GRIK1: variants seen among roughly 807,000 people sequenced by gnomAD.
The protein encoded by GRIK1 is glutamate ionotropic receptor kainate type subunit 1.
Under a neutral mutation model 105.7 loss-of-function variants are expected in GRIK1, and 69 were observed. That is an observed-to-expected ratio of 0.65 (90% CI 0.54 to 0.80). The LOEUF (loss-of-function observed/expected upper bound fraction) is 0.80. Among genes scored for constraint, GRIK1 ranks in the 30% least tolerant of loss-of-function variants. The probability of loss-of-function intolerance (pLI) is 0.00; values close to 1 mark genes in which losing one functional copy is unlikely to be tolerated. For synonymous variants in GRIK1, 438 were observed against 431.3 expected, an observed-to-expected ratio of 1.02 and a Z score of -0.19; for missense variants, 1,109 against 1,167.3, an observed-to-expected ratio of 0.95 and a Z score of 0.73.
chr21:29,616,102 G>A (rs896209229), intron 7 of GRIK1, among the ~76,000 whole-genome samples: 4 of 152,124 alleles, frequency 2.6e-5, no homozygotes, highest in African/African-American at 7.2e-5. Flanking sequence ...CTGCACTTTC[G>A]AAAGTTAAAT....
chr21:29,930,716 A>T (rs1038585046), intron 1 of GRIK1, among the ~76,000 whole-genome samples: 1 of 152,182 alleles, frequency 6.6e-6, no homozygotes, highest in East Asian at 1.9e-4. Context: ...CTAATGTCTG[A>T]TTTTCTACAA....
At chr21:29,932,821 T>C (rs1423450231) in intron 1 of GRIK1, among the ~76,000 whole-genome samples, 2 of 151,934 alleles carry the variant, frequency 1.3e-5, no homozygotes, top group African/African-American at 4.8e-5. Flanking sequence ...ATTGTAAATA[T>C]AGACCTTTAA....
At chr21:29,873,927 C>T (rs186517577) in intron 1 of GRIK1, among the ~76,000 whole-genome samples, 1 of 152,172 alleles carries the variant, frequency 6.6e-6, no homozygotes, top group African/African-American at 2.4e-5. Context: ...CTCAGACCAT[C>T]AGGCATTATT....
intron 12 of GRIK1, among the ~76,000 whole-genome samples, chr21:29,583,589 A>T (rs1351897915): frequency 1.3e-5 from 2 of 152,172 alleles, no homozygotes; most frequent in South Asian, 4.1e-4. Flanking sequence ...GTCTTGTTTC[A>T]TACTTTGCAC....
chr21:29,792,971 T>A (rs939406882), intron 1 of GRIK1, among the ~76,000 whole-genome samples: 1 of 152,158 alleles, frequency 6.6e-6, no homozygotes, highest in Non-Finnish European at 1.5e-5. Context: ...CTTAGTGCAA[T>A]CAAAACTATT....
intron 4 of GRIK1, among the ~76,000 whole-genome samples, chr21:29,666,264 G>T (rs1052834093): frequency 2.0e-5 from 3 of 152,166 alleles, no homozygotes; most frequent in Non-Finnish European, 4.4e-5. Flanking sequence ...TTAGCTGGGC[G>T]TTGTGGTGCA....
intron 14 of GRIK1, among the ~76,000 whole-genome samples, chr21:29,575,024 AG>A (rs2146230035): frequency 6.6e-6 from 1 of 152,316 alleles, no homozygotes; most frequent in African/African-American, 2.4e-5. Flanking sequence ...TAAAATAAAA[AG>A]TGTTTAAAAA....
intron 11 of GRIK1, among the ~76,000 whole-genome samples, chr21:29,587,964 CTTTTTTTTTTTTT>C (rs568648777): frequency 6.7e-4 from 44 of 65,406 alleles, no homozygotes; most frequent in African/African-American, 2.2e-3. Context: ...CTTTAAAATT[CTTTTTTTTTTTTT>C]TTTTTTTTTT....
At chr21:29,777,890 G>A (rs1453842257) in intron 1 of GRIK1, among the ~76,000 whole-genome samples, 1 of 152,176 alleles carries the variant, frequency 6.6e-6, no homozygotes, top group African/African-American at 2.4e-5. Flanking sequence ...AAGAGTCAAG[G>A]ATGATACCTC....
At chr21:29,727,142 T>G (rs1159809175) in intron 1 of GRIK1, among the ~76,000 whole-genome samples, 1 of 152,060 alleles carries the variant, frequency 6.6e-6, no homozygotes, top group African/African-American at 2.4e-5. Flanking sequence ...CCCAGGCTGG[T>G]CTCAAGCTCC....
At position 29,549,557 on chromosome 21, in the gene GRIK1, T is replaced by C. The variant is rs563725680; in HGVS notation, c.2607+5495A>G. On this transcript the variant is annotated intron_variant, in intron 16 of 17. Coordinates refer to ENST00000327783, the MANE Select transcript of GRIK1 (RefSeq NM_001330994.2). Reference sequence around the variant, plus strand: ...ATGCAGATTCCTGGACTCTTCCTACTGAGGAGAAAGGTCGAGAGGTAGAGC... The same window carrying C: ...ATGCAGATTCCTGGACTCTTCCTACCGAGGAGAAAGGTCGAGAGGTAGAGC... Among the ~76,000 whole-genome samples, 267 of 152,306 alleles carry C rather than the reference T, an allele frequency of 1.8e-3. 1 individual carries two copies. The highest frequency in any genetic ancestry group is 6.1e-3 in the African/African-American group (252 of 41,562).
intron 1 of GRIK1, among the ~76,000 whole-genome samples, chr21:29,929,355 A>G (rs556407459): frequency 6.6e-6 from 1 of 152,380 alleles, no homozygotes; most frequent in African/African-American, 2.4e-5. Flanking sequence ...AAACTGGACA[A>G]AACACATTAA....
chr21:29,789,002 T>C (rs2066338754), intron 1 of GRIK1, among the ~76,000 whole-genome samples: 2 of 152,202 alleles, frequency 1.3e-5, no homozygotes, highest in African/African-American at 2.4e-5. Flanking sequence ...GGCCCATTGG[T>C]TGGGGACCTC....
At chr21:29,740,226 T>C (rs1347819606) in intron 1 of GRIK1, among the ~76,000 whole-genome samples, 2 of 151,518 alleles carry the variant, frequency 1.3e-5, no homozygotes, top group African/African-American at 4.8e-5. Context: ...CCTTTTCTTT[T>C]TTTTTTTTTT....
chr21:29,712,113 CACACACACACAT>C (rs1279043858), intron 1 of GRIK1, among the ~76,000 whole-genome samples: 1 of 148,208 alleles, frequency 6.7e-6, no homozygotes, highest in South Asian at 2.1e-4. Flanking sequence ...CACACACACA[CACACACACACAT>C]ATATATAGGT....
chr21:29,916,583 G>A (rs1006905617), intron 1 of GRIK1, among the ~76,000 whole-genome samples: 5 of 151,598 alleles, frequency 3.3e-5, no homozygotes, highest in South Asian at 2.1e-4. Context: ...GATAATAATC[G>A]ATAATAAAAG....
At chr21:29,705,947 C>T (rs1319662984) in intron 1 of GRIK1, among the ~76,000 whole-genome samples, 5 of 148,736 alleles carry the variant, frequency 3.4e-5, no homozygotes, top group South Asian at 4.2e-4. Flanking sequence ...AGTCTCGGCT[C>T]GCTGCAACCT....
chr21:29,694,084 C>T, intron 1 of GRIK1, 21 bp from the exon 2 acceptor site: 1 of 1,412,914 alleles, frequency 7.1e-7, no homozygotes, highest in Non-Finnish European at 1.0e-6. Flanking sequence ...AAAAGAGATG[C>T]ATGAGAAGCG....
intron 7 of GRIK1, among the ~76,000 whole-genome samples, chr21:29,620,793 C>A (rs7276439): frequency 0.22 from 25,875 of 120,190 alleles, 2,960 homozygotes; most frequent in African/African-American, 0.41. Context: ...ATATATATAT[C>A]TATATATATA....
Sources: gnomAD v4.1 joint callset for allele counts (sites outside exome capture counted in the v4.1 genomes callset) on GRCh38, gnomAD v4.1.1 for gene constraint, MANE v1.5 for transcripts, NCBI Gene and HGNC (gene_info 2026-07-23, HGNC 2026-07-21) for gene names.